TANC2: variants seen among roughly 807,000 people sequenced by gnomAD.
TANC2 encodes protein TANC2.
In TANC2, 26 loss-of-function variants were observed where a neutral mutation model predicts 210.5. The ratio of observed to expected loss-of-function variants is 0.12; its 90% CI spans 0.09 to 0.17. The LOEUF (loss-of-function observed/expected upper bound fraction) is 0.17. Ranked by LOEUF, TANC2 falls within the 10% of genes least tolerant of loss-of-function variation. The pLI is 1.00. For missense variants in TANC2, 2,129 were observed against 2,608.9 expected, an observed-to-expected ratio of 0.82 and a Z score of 4.01; for synonymous variants, 931 against 967.1, an observed-to-expected ratio of 0.96 and a Z score of 0.69.
chr17:63,040,120 G>T (rs969534968), intron 2 of TANC2, among the ~76,000 whole-genome samples: 26 of 152,148 alleles, frequency 1.7e-4, no homozygotes, highest in African/African-American at 5.8e-4. Flanking sequence ...ATGAACCTTG[G>T]AGTTGGCACT....
intron 7 of TANC2, among the ~76,000 whole-genome samples, chr17:63,227,767 T>A (rs1298270960): frequency 1.3e-5 from 2 of 152,196 alleles, no homozygotes; most frequent in African/African-American, 4.8e-5. Context: ...TTAATTCATC[T>A]TGTTAATTTT....
At chr17:63,177,889 A>G (rs576920440) in intron 5 of TANC2, among the ~76,000 whole-genome samples, 4 of 152,362 alleles carry the variant, frequency 2.6e-5, no homozygotes, top group African/African-American at 9.6e-5. Flanking sequence ...TATTGTGGGA[A>G]GTATAAATAA....
At chr17:63,200,372 AAAAAG>A (rs1454638364) in intron 6 of TANC2, among the ~76,000 whole-genome samples, 14 of 151,062 alleles carry the variant, frequency 9.3e-5, no homozygotes, top group South Asian at 2.1e-4. Flanking sequence ...AAAAAAAAAA[AAAAAG>A]AAAGAAAGAA....
At chr17:63,065,512 A>G (rs1410815944) in intron 2 of TANC2, among the ~76,000 whole-genome samples, 2 of 152,168 alleles carry the variant, frequency 1.3e-5, no homozygotes, top group African/African-American at 4.8e-5. Flanking sequence ...TCGCTGTACT[A>G]ATTTTATATT....
chr17:63,343,176 ACTGT>A (rs149658984), intron 12 of TANC2, among the ~76,000 whole-genome samples: 10,253 of 152,240 alleles, frequency 0.067, 1,081 homozygotes, highest in African/African-American at 0.22. Context: ...AAAGGTAGAA[ACTGT>A]CAGACTGGAT....
chr17:63,361,753 G>A (rs2046964644), intron 14 of TANC2, among the ~76,000 whole-genome samples: 1 of 152,238 alleles, frequency 6.6e-6, no homozygotes, highest in Non-Finnish European at 1.5e-5. Context: ...AGGTCCTGAG[G>A]TCTTGTCCTG....
chr17:63,233,744 C>A (rs2042545317), intron 7 of TANC2, among the ~76,000 whole-genome samples: 1 of 152,220 alleles, frequency 6.6e-6, no homozygotes, highest in African/African-American at 2.4e-5. Flanking sequence ...CTGGCCCCAA[C>A]CCACCTCCAA....
intron 9 of TANC2, among the ~76,000 whole-genome samples, chr17:63,291,089 G>A (rs1445284334): frequency 6.6e-6 from 1 of 151,946 alleles, no homozygotes; most frequent in East Asian, 1.9e-4. Flanking sequence ...GCTTCCTATA[G>A]GAAATACTAT....
At chr17:63,079,416 GT>G (rs1439821965) in intron 3 of TANC2, among the ~76,000 whole-genome samples, 1 of 152,026 alleles carries the variant, frequency 6.6e-6, no homozygotes, top group East Asian at 1.9e-4. Flanking sequence ...TCTTTTCTGA[GT>G]CTCAGATTGC....
intron 5 of TANC2, among the ~76,000 whole-genome samples, chr17:63,157,889 A>G (rs1432022454): frequency 6.6e-6 from 1 of 152,242 alleles, no homozygotes; most frequent in Admixed American, 6.5e-5. Context: ...TGATGGGATT[A>G]CAGGAGTGAC....
chr17:63,142,290 A>G (rs1325423119), intron 4 of TANC2, among the ~76,000 whole-genome samples: 1 of 152,196 alleles, frequency 6.6e-6, no homozygotes, highest in African/African-American at 2.4e-5. Flanking sequence ...TTATAAATCT[A>G]TTCAGATTTT....
At chr17:63,193,381 G>A (rs2041246859) in intron 5 of TANC2, among the ~76,000 whole-genome samples, 2 of 152,086 alleles carry the variant, frequency 1.3e-5, no homozygotes, top group Admixed American at 1.3e-4. Context: ...CTGACCCCCA[G>A]CTTGTGACTT....
intron 9 of TANC2, among the ~76,000 whole-genome samples, chr17:63,298,967 T>C (rs2044623779): frequency 6.6e-6 from 1 of 152,088 alleles, no homozygotes; most frequent in Non-Finnish European, 1.5e-5. Flanking sequence ...TTTCCCTCCC[T>C]GTGTCCTTGT....
chr17:63,186,740 C>G (rs564149103), intron 5 of TANC2, among the ~76,000 whole-genome samples: 1 of 152,276 alleles, frequency 6.6e-6, no homozygotes, highest in Admixed American at 6.5e-5. Context: ...GTGACATATT[C>G]CTCAACCAGA....
intron 12 of TANC2, among the ~76,000 whole-genome samples, chr17:63,347,285 G>A (rs958330390): frequency 6.6e-6 from 1 of 152,102 alleles, no homozygotes; most frequent in Non-Finnish European, 1.5e-5. Context: ...AAACGTGTTA[G>A]GCAAAAGAAC....
chr17:63,015,917 G>A (rs1169517682), intron 2 of TANC2, among the ~76,000 whole-genome samples: 2 of 150,936 alleles, frequency 1.3e-5, no homozygotes, highest in Admixed American at 1.3e-4. Context: ...TTTGAGTCAA[G>A]TAATGCCGTT....
At chr17:63,183,251 G>T (rs778185437) in intron 5 of TANC2, among the ~76,000 whole-genome samples, 2 of 152,222 alleles carry the variant, frequency 1.3e-5, no homozygotes, top group Non-Finnish European at 2.9e-5. Flanking sequence ...GTCAAGTGAC[G>T]TTAACATTGC....
intron 3 of TANC2, among the ~76,000 whole-genome samples, chr17:63,078,689 G>C (rs2036656854): frequency 6.6e-6 from 1 of 152,038 alleles, no homozygotes. Flanking sequence ...CAAACATTTG[G>C]AAGTTTTTCA....
At chr17:63,354,969 A>G in exon 14 of TANC2, 1 of 1,613,720 alleles carries the variant, frequency 6.2e-7, no homozygotes, top group Non-Finnish European at 8.5e-7. Context: ...TTCTCATCTC[A>G]AGACCCTCAG....
Sources: gnomAD v4.1 joint callset for allele counts (sites outside exome capture counted in the v4.1 genomes callset) on GRCh38, gnomAD v4.1.1 for gene constraint, MANE v1.5 for transcripts, NCBI Gene and HGNC (gene_info 2026-07-23, HGNC 2026-07-21) for gene names.